CDH12: variants seen among roughly 807,000 people sequenced by gnomAD.
CDH12 encodes cadherin 12, also known as cadherin-12.
A neutral mutation model predicts 74.1 loss-of-function variants in CDH12; 41 were observed. The observed-to-expected ratio is 0.55, with a 90% CI of 0.43 to 0.72. CDH12 has a LOEUF of 0.72. CDH12 is among the 30% of genes least tolerant of loss of function. The pLI, the probability that CDH12 is intolerant of heterozygous loss-of-function variation, is 0.00. For synonymous variants in CDH12, 399 were observed against 355.0 expected (o/e 1.12, Z -1.39); for missense variants, 945 against 977.2 (o/e 0.97, Z 0.44).
chr5:22,208,440 G>A (rs1751348482), intron 4 of CDH12, among the ~76,000 whole-genome samples: 1 of 152,120 alleles, frequency 6.6e-6, no homozygotes, highest in South Asian at 2.1e-4. Flanking sequence ...TGTTCTTACT[G>A]ACCTAAGGCA....
Position 21,764,665 on chromosome 5 carries a change from A to AG in CDH12, c.1515+312_1515+313insC, listed in dbSNP as rs1240154029. 1.3e-4 allele frequency among the ~76,000 whole-genome samples: 20 copies of AG among 150,796 alleles called. No individual in the cohort carries two copies. In the East Asian group the frequency reaches 1.7e-3, roughly 13 times the overall value. On this transcript the variant is annotated intron_variant, in intron 12 of 14. Coordinates refer to ENST00000382254, the MANE Select transcript of CDH12 (RefSeq NM_004061.5). ...CTTCATATCAAGAAAAAAAAAAAAA[A>AG]AAAGAAAAGAAAAGGAAAGAAATTC... is the stretch of plus-strand genomic sequence containing the variant.
chr5:21,992,643 A>T (rs2150136676), intron 5 of CDH12, among the ~76,000 whole-genome samples: 1 of 152,300 alleles, frequency 6.6e-6, no homozygotes, highest in East Asian at 1.9e-4. Flanking sequence ...AGATTAAAAA[A>T]AAATTAGTTT....
chr5:22,327,542 A>G (rs1422472321), intron 3 of CDH12, among the ~76,000 whole-genome samples: 3 of 151,882 alleles, frequency 2.0e-5, no homozygotes, highest in Admixed American at 6.6e-5. Flanking sequence ...ACATAAAATA[A>G]ACTTGATGCC....
At chr5:22,372,556 C>T (rs777169223) in intron 3 of CDH12, among the ~76,000 whole-genome samples, 7 of 152,116 alleles carry the variant, frequency 4.6e-5, no homozygotes, top group South Asian at 2.1e-4. Flanking sequence ...TGAGCAGCTG[C>T]GACATGCAAG....
intron 1 of CDH12, among the ~76,000 whole-genome samples, chr5:22,530,886 T>C (rs750800695): frequency 7.9e-5 from 12 of 152,288 alleles, no homozygotes; most frequent in Non-Finnish European, 1.3e-4. Context: ...TTAAAAATTA[T>C]ATTCTTCATT....
intron 3 of CDH12, among the ~76,000 whole-genome samples, chr5:22,333,541 T>C (rs1281706072): frequency 6.6e-6 from 1 of 152,106 alleles, no homozygotes; most frequent in African/African-American, 2.4e-5. Flanking sequence ...CACTGCTAAA[T>C]TCTACCAAAC....
At chr5:22,343,492 A>G (rs1242139180) in intron 3 of CDH12, among the ~76,000 whole-genome samples, 1 of 152,106 alleles carries the variant, frequency 6.6e-6, no homozygotes, top group Non-Finnish European at 1.5e-5. Flanking sequence ...ATCTTGGCTC[A>G]CTGCAAGCTC....
chr5:22,123,348 T>C (rs909808899), intron 4 of CDH12, among the ~76,000 whole-genome samples: 1 of 152,200 alleles, frequency 6.6e-6, no homozygotes, highest in Non-Finnish European at 1.5e-5. Context: ...ATAAATCTGT[T>C]GTTAGTAAAC....
chr5:22,278,038 G>A (rs1489356678), intron 3 of CDH12: 3 of 152,110 alleles, frequency 2.0e-5, no homozygotes, highest in African/African-American at 4.8e-5. Context: ...ACCATATTCT[G>A]GAAACAGGGA....
At position 22,682,880 on chromosome 5, in the gene CDH12, T is replaced by C. The variant is rs564418252; in HGVS notation, c.-523+170178A>G. On this transcript the variant is annotated intron_variant, in intron 1 of 14. Transcript: ENST00000382254. ...AGAATAAATTAACAATTTTGCTATC[T>C]TCCAAAGTTAAGAAGAAAAATTCAC... 2.0e-5 allele frequency among the ~76,000 whole-genome samples: 3 copies of C among 152,236 alleles called. No individual in the cohort carries two copies. The East Asian group carries it at 5.8e-4, about 29-fold the overall frequency.
intron 3 of CDH12, among the ~76,000 whole-genome samples, chr5:22,263,642 G>A (rs1753602336): frequency 6.6e-6 from 1 of 151,962 alleles, no homozygotes; most frequent in Non-Finnish European, 1.5e-5. Context: ...AATTTCACCT[G>A]ATGACCTTCT....
intron 6 of CDH12, among the ~76,000 whole-genome samples, chr5:21,910,871 T>G (rs367703952): frequency 2.6e-5 from 4 of 152,154 alleles, no homozygotes. Context: ...TCCAGAGGAC[T>G]CAATAACTCA....
At chr5:22,313,829 G>A (rs2150430824) in intron 3 of CDH12, among the ~76,000 whole-genome samples, 1 of 152,250 alleles carries the variant, frequency 6.6e-6, no homozygotes, top group East Asian at 1.9e-4. Context: ...ACTCAGAAGG[G>A]AGGGGCCCAG....
intron 1 of CDH12, among the ~76,000 whole-genome samples, chr5:22,746,959 G>C (rs1251743722): frequency 6.6e-6 from 1 of 152,100 alleles, no homozygotes; most frequent in Non-Finnish European, 1.5e-5. Flanking sequence ...CTTAATCCAA[G>C]ATAAAAACTT....
intron 3 of CDH12, among the ~76,000 whole-genome samples, chr5:22,306,835 AC>A (rs1484872250): frequency 6.6e-6 from 1 of 152,222 alleles, no homozygotes; most frequent in Non-Finnish European, 1.5e-5. Flanking sequence ...AATTAGATGT[AC>A]CATGCCTCTA....
intron 4 of CDH12, among the ~76,000 whole-genome samples, chr5:22,088,174 G>C (rs1277848197): frequency 6.6e-6 from 1 of 152,196 alleles, no homozygotes; most frequent in Admixed American, 6.5e-5. Context: ...AGTTCACTGA[G>C]ACAATTATTT....
At chr5:22,535,048 T>G (rs1348117153) in intron 1 of CDH12, among the ~76,000 whole-genome samples, 1 of 149,018 alleles carries the variant, frequency 6.7e-6, no homozygotes, top group Non-Finnish European at 1.5e-5. Context: ...CTCCGCTCAC[T>G]GCAAGCTTCG....
intron 1 of CDH12, among the ~76,000 whole-genome samples, chr5:22,676,025 C>T (rs1561569953): frequency 6.6e-6 from 1 of 151,236 alleles, no homozygotes; most frequent in Non-Finnish European, 1.5e-5. Context: ...ATATCAAAAG[C>T]ACTGAGAAAA....
chr5:22,474,817 G>C (rs538641221), intron 2 of CDH12, among the ~76,000 whole-genome samples: 6 of 151,970 alleles, frequency 3.9e-5, no homozygotes, highest in Non-Finnish European at 7.4e-5. Flanking sequence ...CCCAAAGCAG[G>C]TCCAACTCTC....
Sources: gnomAD v4.1 joint callset for allele counts (sites outside exome capture counted in the v4.1 genomes callset) on GRCh38, gnomAD v4.1.1 for gene constraint, MANE v1.5 for transcripts, NCBI Gene and HGNC (gene_info 2026-07-23, HGNC 2026-07-21) for gene names.